The following CHST3 variants were observed in gnomAD, a reference collection of about 807,000 sequenced individuals.
The protein encoded by CHST3 is carbohydrate sulfotransferase 3.
CHST3 carries 20 observed loss-of-function variants against 35.4 expected under a neutral mutation model. The observed-to-expected ratio is 0.57, with a 90% CI of 0.40 to 0.82. The LOEUF is 0.82. Ranked by LOEUF, CHST3 falls within the 40% of genes least tolerant of loss-of-function variation. The pLI is 0.00. For synonymous variants in CHST3, 334 were observed against 295.9 expected, an observed-to-expected ratio of 1.13 and a Z score of -1.32; for missense variants, 693 against 670.1, an observed-to-expected ratio of 1.03 and a Z score of -0.38.
intron 1 of CHST3, among the ~76,000 whole-genome samples, chr10:71,996,016 TA>T: frequency 6.6e-6 from 1 of 152,096 alleles, no homozygotes; most frequent in Non-Finnish European, 1.5e-5. Flanking sequence ...CAAAGCACAA[TA>T]AAGTCTGTCC....
chr10:71,987,377 G>A (rs954269200), intron 1 of CHST3, among the ~76,000 whole-genome samples: 10 of 152,116 alleles, frequency 6.6e-5, no homozygotes, highest in African/African-American at 2.4e-4. Flanking sequence ...TTAAGTGGGA[G>A]TTTGAGGAAG....
chr10:72,006,756 C>A (rs117347838), intron 2 of CHST3, among the ~76,000 whole-genome samples: 6 of 152,218 alleles, frequency 3.9e-5, no homozygotes, highest in African/African-American at 1.2e-4. Context: ...CAATCCCCCC[C>A]CTTGGGTCAC....
chr10:72,008,398 C>T lies in CHST3; in HGVS notation c.1367C>T (p.Ala456Val). ...PAMRLFGYKL[A>V]RDAAALTNRS... ...ATGCGCCTCTTCGGCTACAAACTGGCGCGGGACGCCGCCGCCCTCACCAAC... is the reference window on the plus strand; with the variant it reads ...ATGCGCCTCTTCGGCTACAAACTGGTGCGGGACGCCGCCGCCCTCACCAAC... Residue 456 changes from alanine to valine, a missense_variant, in exon 3 of 3, where the codon GCG (alanine) becomes GTG (valine). Physicochemically the swap from Ala to Val is moderately conservative, Grantham distance 64 (BLOSUM62 0). Transcript: ENST00000373115. 1 of 1,569,922 alleles carries T rather than the reference C, an allele frequency of 6.4e-7. No individual in the cohort carries two copies. Among genetic ancestry groups the T allele is most frequent in the Non-Finnish European group, 8.6e-7 (1 of 1,158,634 alleles).
chr10:72,008,090 G>C lies in CHST3; in HGVS notation c.1059G>C (p.Glu353Asp), dbSNP rs1331948993. The C allele has an allele frequency of 1.3e-6, 2 of 1,545,374 alleles. No individual in the cohort carries two copies. Among genetic ancestry groups the C allele is most frequent in the Non-Finnish European group, 1.7e-6 (2 of 1,143,964 alleles). Residue 353 changes from glutamate (E) to aspartate (D), a missense_variant, in exon 3 of 3, where the codon GAG becomes GAC. Transcript: ENST00000373115. ...GNCESIRLSA[E>D]LGLRQPAWLR... The stretch of plus-strand genomic sequence containing the variant: ...GCGAGAGCATCCGCCTGTCCGCGGA[G>C]CTGGGGCTGCGGCAGCCCGCCTGGC...
rs1871450 is a variant in CHST3, at chr10:72,012,256, G to T, written c.*3785G>T. 1 of 151,952 alleles carries T rather than the reference G, an allele frequency of 6.6e-6. No individual in the cohort carries two copies. Among genetic ancestry groups the T allele is most frequent in the Non-Finnish European group, 1.5e-5 (1 of 68,024 alleles). 9.4% of individuals were successfully genotyped at this position (151,952 alleles called of 1,614,324 possible). ...GCAATGGAAGGAGCTTCAGCAGGAG[G>T]TCCTTCCCAGAAGGTTGATTCTTGG... On this transcript the variant is annotated 3_prime_UTR_variant, in exon 3 of 3. Coordinates refer to ENST00000373115, the MANE Select transcript of CHST3 (RefSeq NM_004273.5).
chr10:71,980,593 C>T (rs1839791398), intron 1 of CHST3, among the ~76,000 whole-genome samples: 1 of 152,190 alleles, frequency 6.6e-6, no homozygotes, highest in African/African-American at 2.4e-5. Context: ...ACAATCTGCT[C>T]CCCTCTCCTG....
In CHST3 at chr10:72,007,469, G is replaced by T; in HGVS notation, c.438G>T (p.Ser146=). Residue 146 remains serine, a synonymous_variant, in exon 3 of 3, where the codon TCG becomes TCT. Coordinates refer to ENST00000373115, the MANE Select transcript of CHST3 (RefSeq NM_004273.5). ...LLMATTRTGS[S]FVGEFFNQQG... Reference sequence around the variant, plus strand: ...TGGCCACCACGCGCACCGGCTCCTCGTTCGTGGGCGAGTTCTTCAACCAGC... The same window carrying T: ...TGGCCACCACGCGCACCGGCTCCTCTTTCGTGGGCGAGTTCTTCAACCAGC... 6.2e-7 allele frequency: 1 copy of T among 1,602,244 alleles called. No homozygotes were observed. Among genetic ancestry groups the T allele is most frequent in the Non-Finnish European group, 8.5e-7 (1 of 1,179,736 alleles).
chr10:71,980,396 T>C (rs926633869), intron 1 of CHST3, among the ~76,000 whole-genome samples: 2 of 152,182 alleles, frequency 1.3e-5, no homozygotes, highest in African/African-American at 4.8e-5. Context: ...CTCATGCTTA[T>C]CATTATGATA....
chr10:72,006,042 G>A (rs1302550933), intron 2 of CHST3, 60 bp downstream of exon 2: 8 of 1,153,540 alleles, frequency 6.9e-6, no homozygotes, highest in Non-Finnish European at 1.0e-5. Context: ...TGGGGACAGG[G>A]AGGTAACTGC....
intron 1 of CHST3, among the ~76,000 whole-genome samples, chr10:72,002,230 C>T (rs1293538290): frequency 1.3e-5 from 2 of 152,132 alleles, no homozygotes; most frequent in Admixed American, 6.5e-5. Flanking sequence ...CTTAGGGCAG[C>T]GTCAAGAAGG....
chr10:71,979,278 G>T (rs1274844206), intron 1 of CHST3, among the ~76,000 whole-genome samples: 1 of 152,210 alleles, frequency 6.6e-6, no homozygotes, highest in African/African-American at 2.4e-5. Context: ...GATAATGAAG[G>T]AGAGGGTGGA....
intron 2 of CHST3, among the ~76,000 whole-genome samples, chr10:72,006,215 C>T (rs1000636517): frequency 6.6e-6 from 1 of 152,198 alleles, no homozygotes; most frequent in Non-Finnish European, 1.5e-5. Flanking sequence ...CATGTTGGCC[C>T]TCTACAGCTG....
intron 1 of CHST3, among the ~76,000 whole-genome samples, chr10:71,997,676 C>T (rs1215616068): frequency 6.9e-6 from 1 of 145,772 alleles, no homozygotes; most frequent in Admixed American, 7.4e-5. Flanking sequence ...GACCCTGTCT[C>T]CATAAATTTT....
At chr10:72,004,232 C>G (rs1449275918) in intron 1 of CHST3, among the ~76,000 whole-genome samples, 1 of 152,178 alleles carries the variant, frequency 6.6e-6, no homozygotes, top group African/African-American at 2.4e-5. Context: ...CTTTATCCAT[C>G]TGTTGTTCAC....
rs902114662 is a variant in CHST3 at position 72,009,866 on chromosome 10, C to G, written c.*1395C>G. On this transcript the variant is annotated 3_prime_UTR_variant, in exon 3 of 3. Transcript: ENST00000373115. ...GTTTTTGCTTTTGTTTCTGTAGGAG[C>G]GCCTCTTCCAAGCAGTGGAGGCCTG... is the stretch of plus-strand genomic sequence containing the variant. 3 of 152,708 alleles carry G rather than the reference C, an allele frequency of 2.0e-5. No individual in the cohort carries two copies. Among genetic ancestry groups the G allele is most frequent in the Non-Finnish European group, 4.4e-5 (3 of 68,266 alleles). The allele number at this position is 152,708 out of a possible 1,614,324, so 9.5% of individuals were successfully genotyped here. A position where few individuals can be genotyped will look rare whatever the true frequency, so the allele number is the denominator to read the frequency against.
At chr10:71,992,901 A>G (rs1453732899) in intron 1 of CHST3, among the ~76,000 whole-genome samples, 2 of 151,698 alleles carry the variant, frequency 1.3e-5, no homozygotes, top group African/African-American at 4.8e-5. Flanking sequence ...ATCTCAGGTG[A>G]TCCACCTGCC....
chr10:71,979,624 G>A (rs748642582), intron 1 of CHST3, among the ~76,000 whole-genome samples: 4 of 152,132 alleles, frequency 2.6e-5, no homozygotes, highest in African/African-American at 4.8e-5. Context: ...TCCCTTTTCT[G>A]CATTTCCACC....
At position 72,010,589 on chromosome 10, in the gene CHST3, T is replaced by G. The variant is rs1589511440; in HGVS notation, c.*2118T>G. ...ATTCAAGGAGGTCTCCACTCTTGGG[T>G]TTTTTTTATTTTCTTTTCTTTTGCT... On this transcript the variant is annotated 3_prime_UTR_variant, in exon 3 of 3. Transcript: ENST00000373115. 1 of 152,060 alleles carries G rather than the reference T, an allele frequency of 6.6e-6. No homozygotes were observed. The highest frequency in any genetic ancestry group is 2.4e-5 in the African/African-American group (1 of 41,382). 9.4% of individuals were successfully genotyped at this position (152,060 alleles called of 1,614,324 possible). A position where few individuals can be genotyped will look rare whatever the true frequency, so the allele number is the denominator to read the frequency against.
rs1421352817 is a variant in CHST3, at chr10:72,007,464, T to C, written c.433T>C (p.Ser145Pro). The C allele has an allele frequency of 2.5e-6, 4 of 1,602,434 alleles. No homozygotes were observed. The highest frequency in any genetic ancestry group is 3.4e-6 in the Non-Finnish European group (4 of 1,179,716). Residue 145 changes from serine (S) to proline (P), a missense_variant, in exon 3 of 3, where the codon TCC becomes CCC. Transcript: ENST00000373115. ...GCTCATGGCCACCACGCGCACCGGC[T>C]CCTCGTTCGTGGGCGAGTTCTTCAA... is the stretch of plus-strand genomic sequence containing the variant. ...VLLMATTRTG[S>P]SFVGEFFNQQ...
Sources: gnomAD v4.1 joint callset for allele counts (sites outside exome capture counted in the v4.1 genomes callset) on GRCh38, gnomAD v4.1.1 for gene constraint, MANE v1.5 for transcripts, NCBI Gene and HGNC (gene_info 2026-07-23, HGNC 2026-07-21) for gene names.